Variants in C8orf89 observed in about 807,000 individuals in gnomAD.
C8orf89 encodes the protein putative uncharacterized protein C8orf89.
C8orf89 carries 14 observed loss-of-function variants against 15.8 expected under a neutral mutation model. The ratio of observed to expected loss-of-function variants is 0.89; its 90% CI spans 0.59 to 1.39. C8orf89 has a LOEUF of 1.39. Ranked by LOEUF, C8orf89 falls within the 40% of genes most tolerant of loss-of-function variation. The pLI, the probability that C8orf89 is intolerant of heterozygous loss-of-function variation, is 0.00. For missense variants in C8orf89, 181 were observed against 184.5 expected (o/e 0.98, Z 0.11); for synonymous variants, 55 against 62.2 (o/e 0.88, Z 0.54).
the C8orf89 span, among the ~76,000 whole-genome samples, chr8:73,274,682 C>A: frequency 6.6e-6 from 1 of 152,192 alleles, no homozygotes; most frequent in African/African-American, 2.4e-5. Flanking sequence ...CAACCACTCT[C>A]ATAAATTTGG....
upstream of C8orf89, among the ~76,000 whole-genome samples, chr8:73,264,338 C>A (rs1342471026): frequency 6.6e-6 from 1 of 152,184 alleles, no homozygotes; most frequent in African/African-American, 2.4e-5. Flanking sequence ...ACTAGGAAAG[C>A]ATCACAAGTA....
At chr8:73,266,770 G>T in the C8orf89 span, among the ~76,000 whole-genome samples, 7 of 151,776 alleles carry the variant, frequency 4.6e-5, no homozygotes, top group Non-Finnish European at 8.8e-5. Context: ...AACTGCAGGC[G>T]CCCAGAAACA....
chr8:73,262,377 A>G (rs906349620), upstream of C8orf89, among the ~76,000 whole-genome samples: 2 of 152,186 alleles, frequency 1.3e-5, no homozygotes, highest in African/African-American at 4.8e-5. Flanking sequence ...TCTTAGTGGC[A>G]TTTTATTCTA....
At chr8:73,285,900 G>A in the C8orf89 span, among the ~76,000 whole-genome samples, 4 of 151,882 alleles carry the variant, frequency 2.6e-5, no homozygotes, top group Non-Finnish European at 5.9e-5. Context: ...CGCTGGGCCC[G>A]GCCCGGCCGG....
In C8orf89 at chr8:73,259,483, T is replaced by C; in HGVS notation, c.-25A>G. 6.7e-7 allele frequency: 1 copy of C among 1,482,164 alleles called. No individual in the cohort carries two copies. The highest frequency in any genetic ancestry group is 8.9e-7 in the Non-Finnish European group (1 of 1,120,850). 91.8% of individuals were successfully genotyped at this position (1,482,164 alleles called of 1,614,324 possible). A position where few individuals can be genotyped will look rare whatever the true frequency, so the allele number is the denominator to read the frequency against. On this transcript the variant is annotated 5_prime_UTR_variant, in exon 1 of 4. Coordinates refer to ENST00000624510, the MANE Select transcript of C8orf89 (RefSeq NM_001243237.3). ...TTTTTTCTTCTTTCAACAGTGCTGA[T>C]GAGAGGGAGATGCTGCTGCAGAGAC... is the stretch of plus-strand genomic sequence containing the variant.
the C8orf89 span, among the ~76,000 whole-genome samples, chr8:73,276,856 G>C: frequency 7.0e-6 from 1 of 142,140 alleles, no homozygotes; most frequent in African/African-American, 2.7e-5. Flanking sequence ...ATCCAGGCTG[G>C]AGTGCAGTGG....
chr8:73,256,749 A>T (rs1046501848), intron 2 of C8orf89, among the ~76,000 whole-genome samples: 1 of 147,278 alleles, frequency 6.8e-6, no homozygotes, highest in Non-Finnish European at 1.5e-5. Context: ...AAAAAAAAAA[A>T]GCCCTTAAAT....
Position 73,258,602 on chromosome 8 carries a change from C to G in C8orf89, c.127+730G>C, listed in dbSNP as rs77456402. On this transcript the variant is annotated intron_variant, in intron 1 of 3. Coordinates refer to ENST00000624510, the MANE Select transcript of C8orf89 (RefSeq NM_001243237.3). ...GATTTAAGATACTCTCCACATAACTCAGTCAAAAATAAAGTTTTGGTTAGA... is the reference window on the plus strand; with the variant it reads ...GATTTAAGATACTCTCCACATAACTGAGTCAAAAATAAAGTTTTGGTTAGA... Among the ~76,000 whole-genome samples the G allele has an allele frequency of 5.5e-3, 835 of 150,768 alleles. 11 individuals carry two copies. Among genetic ancestry groups the G allele is most frequent in the African/African-American group, 0.019 (793 of 40,880 alleles).
chr8:73,252,858 T>A (rs1813277640), intron 2 of C8orf89, among the ~76,000 whole-genome samples: 1 of 152,080 alleles, frequency 6.6e-6, no homozygotes, highest in African/African-American at 2.4e-5. Context: ...AACTAGACAT[T>A]CGGCCGGGCA....
chr8:73,247,044 T>G (rs1481641035), intron 3 of C8orf89, among the ~76,000 whole-genome samples: 1 of 152,238 alleles, frequency 6.6e-6, no homozygotes, highest in Non-Finnish European at 1.5e-5. Context: ...AACTTTCTTT[T>G]TAACTTTTAT....
At chr8:73,249,104 C>T (rs917922041) in intron 3 of C8orf89, among the ~76,000 whole-genome samples, 2 of 152,058 alleles carry the variant, frequency 1.3e-5, no homozygotes, top group Non-Finnish European at 2.9e-5. Context: ...CCTTCAATAC[C>T]TAGTTTGTTG....
At chr8:73,270,667 A>G in the C8orf89 span, among the ~76,000 whole-genome samples, 1 of 152,194 alleles carries the variant, frequency 6.6e-6, no homozygotes, top group East Asian at 1.9e-4. Context: ...GCACTTTGGG[A>G]GGCCAGGGCA....
At chr8:73,281,313 T>G in the C8orf89 span, among the ~76,000 whole-genome samples, 1 of 152,050 alleles carries the variant, frequency 6.6e-6, no homozygotes, top group South Asian at 2.1e-4. Context: ...TTTCTTATAA[T>G]AGAAAAGAGA....
At chr8:73,245,356 A>T (rs1300303083) in intron 3 of C8orf89, among the ~76,000 whole-genome samples, 1 of 152,244 alleles carries the variant, frequency 6.6e-6, no homozygotes, top group Non-Finnish European at 1.5e-5. Context: ...ATATCACAAA[A>T]GTTGTGTAAT....
At chr8:73,272,580 A>T in the C8orf89 span, among the ~76,000 whole-genome samples, 2 of 152,006 alleles carry the variant, frequency 1.3e-5, no homozygotes, top group African/African-American at 2.4e-5. Context: ...CATTAGGTAT[A>T]TCTCCTAATG....
chr8:73,265,341 T>G, the C8orf89 span, among the ~76,000 whole-genome samples: 1 of 152,164 alleles, frequency 6.6e-6, no homozygotes, highest in Non-Finnish European at 1.5e-5. Context: ...CATAACAGAG[T>G]TTGGATTTTA....
chr8:73,273,347 C>T, the C8orf89 span, among the ~76,000 whole-genome samples: 1 of 152,234 alleles, frequency 6.6e-6, no homozygotes. Flanking sequence ...CCTGCCTGGC[C>T]TCTCCCAGCT....
At chr8:73,275,154 A>G in the C8orf89 span, among the ~76,000 whole-genome samples, 1 of 151,232 alleles carries the variant, frequency 6.6e-6, no homozygotes, top group Non-Finnish European at 1.5e-5. Context: ...CTTAATTTAT[A>G]CTGAATAAGT....
At chr8:73,281,631 TTTTC>T in the C8orf89 span, among the ~76,000 whole-genome samples, 32,106 of 151,746 alleles carry the variant, frequency 0.21, 3,432 homozygotes, top group Middle Eastern at 0.23. Context: ...AGTAGGAAGG[TTTTC>T]TTTGTTTGTT....
Sources: allele counts gnomAD v4.1 joint callset (sites outside exome capture counted in the v4.1 genomes callset), GRCh38; gene constraint gnomAD v4.1.1; transcripts MANE v1.5; gene names NCBI Gene and HGNC (gene_info 2026-07-23, HGNC 2026-07-21).